Variants in GRB10 observed in about 807,000 individuals in gnomAD.
GRB10 encodes the protein growth factor receptor bound protein 10.
A neutral mutation model predicts 80.9 loss-of-function variants in GRB10; 20 were observed. The ratio of observed to expected loss-of-function variants is 0.25; its 90% confidence interval spans 0.17 to 0.36. The LOEUF is 0.36. Ranked by LOEUF, GRB10 falls within the 10% of genes least tolerant of loss-of-function variation. GRB10 has a pLI of 1.00. For missense variants in GRB10, 548 were observed against 747.7 expected (o/e 0.73, Z 3.12); for synonymous variants, 291 against 291.5 (o/e 1.00, Z 0.02).
chr7:50,607,450 G>T (rs1039464290), intron 13 of GRB10, among the ~76,000 whole-genome samples: 1 of 152,202 alleles, frequency 6.6e-6, no homozygotes, highest in African/African-American at 2.4e-5. Context: ...GGCCCCTCAG[G>T]AGGGAAGAGC....
chr7:50,728,233 T>C (rs927618906), intron 4 of GRB10, among the ~76,000 whole-genome samples: 2 of 151,244 alleles, frequency 1.3e-5, no homozygotes, highest in Admixed American at 1.3e-4. Context: ...GGTGTAGTAC[T>C]TAAAAATGAA....
chr7:50,703,833 C>G lies in GRB10; in HGVS notation c.127G>C (p.Ala43Pro), dbSNP rs2064601273. 6.2e-7 allele frequency: 1 copy of G among 1,613,006 alleles called. No homozygotes were observed. The highest frequency in any genetic ancestry group is 1.3e-5 in the African/African-American group (1 of 75,020). Residue 43 changes from alanine to proline, a missense_variant, in exon 5 of 19, where the codon GCG (alanine) becomes CCG (proline). This residue lies in a region of GRB10 where 245 missense variants were observed against 229.3 expected (regional missense o/e 1.07). Coordinates refer to ENST00000401949, the MANE Select transcript of GRB10 (RefSeq NM_001350814.2). ...GCTCATTCCTTACCCTGGTGATTCG[C>G]AAGTCGGTCAGACTGTGCGGGGAGT... ...PGLPAQSDRL[A>P]NHQEDDVDLE...
In GRB10 at chr7:50,720,803, G is replaced by A. The variant is rs189353867; in HGVS notation, c.51+11469C>T. Among the ~76,000 whole-genome samples, 71 of 149,740 alleles carry A rather than the reference G, an allele frequency of 4.7e-4. 1 individual carries two copies. The highest frequency in any genetic ancestry group is 2.1e-3 in the Admixed American group (32 of 15,042). On this transcript the variant is annotated intron_variant, in intron 4 of 18. Coordinates refer to ENST00000401949, the MANE Select transcript of GRB10 (RefSeq NM_001350814.2). ...CATTAAAAAAAAAAAAAAAGTTGCCGTTTCCTAAATTTTCATCAATGTATT... is the reference window on the plus strand; with the variant it reads ...CATTAAAAAAAAAAAAAAAGTTGCCATTTCCTAAATTTTCATCAATGTATT...
intron 2 of GRB10, among the ~76,000 whole-genome samples, chr7:50,762,371 G>C (rs2075860284): frequency 6.6e-6 from 1 of 151,368 alleles, no homozygotes; most frequent in African/African-American, 2.4e-5. Context: ...GATCAGAAGG[G>C]TTAGAAATGC....
chr7:50,629,830 C>A (rs927090790), intron 7 of GRB10, among the ~76,000 whole-genome samples: 3 of 152,154 alleles, frequency 2.0e-5, no homozygotes, highest in Non-Finnish European at 4.4e-5. Flanking sequence ...AGGTCTCCTG[C>A]GGAGCAGGCC....
intron 6 of GRB10, among the ~76,000 whole-genome samples, chr7:50,672,698 C>T (rs2060491617): frequency 6.6e-6 from 1 of 152,192 alleles, no homozygotes; most frequent in Non-Finnish European, 1.5e-5. Context: ...TGGGCAACTA[C>T]TCCAGCAGGG....
intron 3 of GRB10, among the ~76,000 whole-genome samples, chr7:50,750,615 A>G (rs2073965527): frequency 6.6e-6 from 1 of 152,224 alleles, no homozygotes; most frequent in African/African-American, 2.4e-5. Context: ...AACTGCAGAC[A>G]GAACTATATA....
Position 50,605,313 on chromosome 7 carries a change from G to A in GRB10, c.1366C>T (p.Leu456=), listed in dbSNP as rs1365427920. 6.2e-7 allele frequency: 1 copy of A among 1,613,836 alleles called. No individual in the cohort carries two copies. Among genetic ancestry groups the A allele is most frequent in the Non-Finnish European group, 8.5e-7 (1 of 1,179,966 alleles). Residue 456 remains leucine, a synonymous_variant, in exon 15 of 19, where the codon CTG becomes TTG. Coordinates refer to ENST00000401949, the MANE Select transcript of GRB10 (RefSeq NM_001350814.2). ...ACCCTCCAGGCGTGGCCCTCCTCCA[G>A]GGCTGCGCTCTGGGCCTCTGCCGGA... ...ENPAEAQSAA[L]EEGHAWRKRS... is the part of the protein sequence containing the mutation.
At chr7:50,652,869 T>C (rs2058159164) in intron 7 of GRB10, among the ~76,000 whole-genome samples, 1 of 152,206 alleles carries the variant, frequency 6.6e-6, no homozygotes, top group Admixed American at 6.5e-5. Context: ...ATGGAGATAA[T>C]TCACTCTTGA....
intron 5 of GRB10, among the ~76,000 whole-genome samples, chr7:50,681,571 T>G (rs922897342): frequency 6.6e-6 from 1 of 152,216 alleles, no homozygotes; most frequent in African/African-American, 2.4e-5. Context: ...GGAGAGAGGA[T>G]TCTTACAACG....
At position 50,590,703 on chromosome 7, in the gene GRB10, G is replaced by A. The variant is rs1335733445; in HGVS notation, c.*2249C>T. On this transcript the variant is annotated 3_prime_UTR_variant, in exon 19 of 19. Transcript: ENST00000401949. ...GGTTTGCGGGACTTGTTCTCAGGTGGAATTCCCAGCCGCCCAGCGCGAGGC... is the reference window on the plus strand; with the variant it reads ...GGTTTGCGGGACTTGTTCTCAGGTGAAATTCCCAGCCGCCCAGCGCGAGGC... 6.6e-6 allele frequency: 1 copy of A among 152,622 alleles called. No individual in the cohort carries two copies. The highest frequency in any genetic ancestry group is 1.5e-5 in the Non-Finnish European group (1 of 68,046). The allele number at this position is 152,622 out of a possible 1,614,324, so 9.5% of individuals were successfully genotyped here. A position where few individuals can be genotyped will look rare whatever the true frequency, so the allele number is the denominator to read the frequency against.
At chr7:50,722,146 C>G (rs546897623) in intron 4 of GRB10, among the ~76,000 whole-genome samples, 44 of 152,274 alleles carry the variant, frequency 2.9e-4, no homozygotes, top group African/African-American at 8.9e-4. Context: ...TAGCTCCCAG[C>G]TTCCCAGGCT....
chr7:50,653,082 G>A (rs1334844631), intron 7 of GRB10, among the ~76,000 whole-genome samples: 2 of 152,136 alleles, frequency 1.3e-5, no homozygotes, highest in East Asian at 1.9e-4. Flanking sequence ...ATATACCAGG[G>A]CCCACTTCAC....
chr7:50,688,857 G>C lies in GRB10; in HGVS notation c.140-14199C>G, dbSNP rs79150120. On this transcript the variant is annotated intron_variant, in intron 5 of 18. Transcript: ENST00000401949. The stretch of plus-strand genomic sequence containing the variant: ...GAAACCGAACTGTCGGCAAGCACAT[G>C]AACAGGGAAAGATGGATTCCAGGTC... Among the ~76,000 whole-genome samples, 143 of 152,288 alleles carry C rather than the reference G, an allele frequency of 9.4e-4. 1 individual carries two copies. The East Asian group carries it at 0.025, about 26-fold the overall frequency.
intron 7 of GRB10, among the ~76,000 whole-genome samples, chr7:50,658,392 G>A (rs1181697707): frequency 1.3e-5 from 2 of 152,208 alleles, no homozygotes; most frequent in Non-Finnish European, 2.9e-5. Flanking sequence ...GCAGCAGCAA[G>A]AATTAGCAAA....
chr7:50,781,901 G>T (rs138226397), intron 1 of GRB10, among the ~76,000 whole-genome samples: 1 of 152,328 alleles, frequency 6.6e-6, no homozygotes, highest in Non-Finnish European at 1.5e-5. Context: ...GGAGAAAGAG[G>T]CAACGTTGAC....
chr7:50,722,875 G>A (rs548521579), intron 4 of GRB10, among the ~76,000 whole-genome samples: 24 of 152,068 alleles, frequency 1.6e-4, no homozygotes, highest in African/African-American at 4.8e-4. Flanking sequence ...TAAAGATAGC[G>A]CTCTCAGGAT....
At chr7:50,629,505 G>C (rs972540283) in intron 7 of GRB10, among the ~76,000 whole-genome samples, 2 of 152,040 alleles carry the variant, frequency 1.3e-5, no homozygotes, top group Non-Finnish European at 2.9e-5. Flanking sequence ...TCCAGCGACA[G>C]GCCCCTCTGC....
intron 7 of GRB10, among the ~76,000 whole-genome samples, chr7:50,647,599 G>C (rs999104992): frequency 4.6e-5 from 7 of 152,218 alleles, no homozygotes; most frequent in Admixed American, 2.6e-4. Flanking sequence ...TTCAGAGATT[G>C]TTAGATGGCA....
Sources: allele counts gnomAD v4.1 joint callset (sites outside exome capture counted in the v4.1 genomes callset), GRCh38; gene constraint gnomAD v4.1.1; regional missense constraint gnomAD v4.1.1; transcripts MANE v1.5; gene names NCBI Gene and HGNC (gene_info 2026-07-23, HGNC 2026-07-21).